RABGAP1L: variants seen among roughly 807,000 people sequenced by gnomAD.
RABGAP1L encodes the protein RAB GTPase activating protein 1 like, also known as rab GTPase-activating protein 1-like.
Under a neutral mutation model 137.7 loss-of-function variants are expected in RABGAP1L, and 63 were observed. That is an observed-to-expected ratio of 0.46 (90% CI 0.37 to 0.56). RABGAP1L has a LOEUF of 0.56. RABGAP1L is among the 20% of genes least tolerant of loss of function. The probability of loss-of-function intolerance (pLI) is 0.00; values close to 1 mark genes in which losing one functional copy is unlikely to be tolerated. For synonymous variants in RABGAP1L, 431 were observed against 433.7 expected, an observed-to-expected ratio of 0.99 and a Z score of 0.08; for missense variants, 1,095 against 1,244.0, an observed-to-expected ratio of 0.88 and a Z score of 1.80.
chr1:174,607,460 T>C lies in RABGAP1L; in HGVS notation c.1711-29915T>C, dbSNP rs545969169. On this transcript the variant is annotated intron_variant, in intron 13 of 25. Coordinates refer to ENST00000681986, the MANE Select transcript of RABGAP1L (RefSeq NM_001366446.1). ...TCTCATCTCCATCTCTCCCTAACTG[T>C]TGGGTTACAGACATTCCTCTGGTGG... is the stretch of plus-strand genomic sequence containing the variant. 9.9e-5 allele frequency among the ~76,000 whole-genome samples: 15 copies of C among 152,228 alleles called. No homozygotes were observed. The South Asian group carries it at 1.7e-3, about 17-fold the overall frequency.
chr1:174,364,246 T>TTTTTTTTTTTTC (rs1684401041), intron 11 of RABGAP1L, among the ~76,000 whole-genome samples: 6 of 76,290 alleles, frequency 7.9e-5, no homozygotes, highest in Admixed American at 6.2e-4. Flanking sequence ...GGATTTCCTT[T>TTTTTTTTTTTTC]TTTTTTTTTT....
chr1:174,853,556 C>T (rs1648744066), intron 19 of RABGAP1L, among the ~76,000 whole-genome samples: 1 of 151,986 alleles, frequency 6.6e-6, no homozygotes, highest in African/African-American at 2.4e-5. Context: ...ACGGTGAAAC[C>T]CTGTCTCTAC....
At chr1:174,958,616 G>A (rs1668822926) in intron 20 of RABGAP1L, among the ~76,000 whole-genome samples, 1 of 152,154 alleles carries the variant, frequency 6.6e-6, no homozygotes, top group South Asian at 2.1e-4. Context: ...TTATCTTTAT[G>A]TGGTCAGAGC....
At chr1:174,707,701 C>T (rs2148542339) in intron 17 of RABGAP1L, among the ~76,000 whole-genome samples, 1 of 152,184 alleles carries the variant, frequency 6.6e-6, no homozygotes, top group African/African-American at 2.4e-5. Context: ...ATAACATTGC[C>T]CTGCAGTCTG....
Position 174,994,247 on chromosome 1 carries a change from G to A in RABGAP1L, c.*4246G>A, listed in dbSNP as rs1168378195. 6.7e-6 allele frequency: 1 copy of A among 149,772 alleles called. No individual in the cohort carries two copies. The highest frequency in any genetic ancestry group is 1.5e-5 in the Non-Finnish European group (1 of 68,048). The allele number at this position is 149,772 out of a possible 1,614,324, so 9.3% of individuals were successfully genotyped here. A position where few individuals can be genotyped will look rare whatever the true frequency, so the allele number is the denominator to read the frequency against. The stretch of plus-strand genomic sequence containing the variant: ...CAACCTTGGCTGCACCTCAATAGGA[G>A]ATGCTGATCTTGAGTTGTAATGAGA... On this transcript the variant is annotated 3_prime_UTR_variant, in exon 26 of 26. Coordinates refer to ENST00000681986, the MANE Select transcript of RABGAP1L (RefSeq NM_001366446.1).
chr1:174,161,079 C>A (rs1455338219), intron 1 of RABGAP1L, among the ~76,000 whole-genome samples: 1 of 152,064 alleles, frequency 6.6e-6, no homozygotes, highest in African/African-American at 2.4e-5. Context: ...TAGCTCTAGA[C>A]TTTGAGTTAG....
intron 7 of RABGAP1L, among the ~76,000 whole-genome samples, chr1:174,267,413 G>A (rs990833483): frequency 6.6e-6 from 1 of 152,158 alleles, no homozygotes; most frequent in African/African-American, 2.4e-5. Flanking sequence ...CTATTCAGTG[G>A]ACTCTAGATA....
At chr1:174,635,384 G>A (rs1173155666) in intron 13 of RABGAP1L, among the ~76,000 whole-genome samples, 1 of 152,144 alleles carries the variant, frequency 6.6e-6, no homozygotes, top group Non-Finnish European at 1.5e-5. Context: ...TAACTTATCG[G>A]AAGAGAGCTC....
chr1:174,468,497 A>G (rs2149301013), intron 13 of RABGAP1L, among the ~76,000 whole-genome samples: 1 of 152,322 alleles, frequency 6.6e-6, no homozygotes, highest in East Asian at 1.9e-4. Flanking sequence ...TTGTAGTATA[A>G]ATTATAGTTA....
intron 1 of RABGAP1L, among the ~76,000 whole-genome samples, chr1:174,170,868 C>G (rs1410867471): frequency 6.6e-6 from 1 of 152,096 alleles, no homozygotes; most frequent in Non-Finnish European, 1.5e-5. Context: ...ACACAGATGT[C>G]TCTGGTGTAT....
chr1:174,223,637 A>G (rs753932947), intron 3 of RABGAP1L, among the ~76,000 whole-genome samples: 2 of 152,186 alleles, frequency 1.3e-5, no homozygotes, highest in African/African-American at 2.4e-5. Context: ...GAGAGATGCC[A>G]TGTTGATTGA....
chr1:174,910,896 A>G (rs1659948836), intron 19 of RABGAP1L, among the ~76,000 whole-genome samples: 1 of 152,198 alleles, frequency 6.6e-6, no homozygotes, highest in African/African-American at 2.4e-5. Context: ...ACAGCAGCTC[A>G]ACCATTTTAC....
chr1:174,659,238 A>AC, intron 14 of RABGAP1L, among the ~76,000 whole-genome samples: 1 of 60,974 alleles, frequency 1.6e-5, no homozygotes, highest in Non-Finnish European at 2.9e-5. Flanking sequence ...TACTTTACCA[A>AC]AAAAAAAAAA....
At chr1:174,614,806 T>A (rs12096634) in intron 13 of RABGAP1L, among the ~76,000 whole-genome samples, 1 of 152,204 alleles carries the variant, frequency 6.6e-6, no homozygotes, top group African/African-American at 2.4e-5. Flanking sequence ...TAAACTTCCC[T>A]TCTTGCTTCA....
At chr1:174,648,303 T>A (rs1248151316) in intron 14 of RABGAP1L, among the ~76,000 whole-genome samples, 8 of 152,144 alleles carry the variant, frequency 5.3e-5, no homozygotes, top group Non-Finnish European at 1.2e-4. Context: ...TGTTAGGGTG[T>A]CAATTATTGA....
At chr1:174,459,264 A>G (rs936008437) in intron 13 of RABGAP1L, among the ~76,000 whole-genome samples, 3 of 152,138 alleles carry the variant, frequency 2.0e-5, no homozygotes, top group African/African-American at 7.2e-5. Flanking sequence ...TGGCAGTACT[A>G]TTGTTTTAAA....
At chr1:174,454,957 C>T (rs1173077268) in intron 13 of RABGAP1L, among the ~76,000 whole-genome samples, 1 of 152,164 alleles carries the variant, frequency 6.6e-6, no homozygotes, top group African/African-American at 2.4e-5. Flanking sequence ...CCAGCTGGTA[C>T]ATTACCTGCA....
chr1:174,178,350 A>G (rs979759091), intron 1 of RABGAP1L, among the ~76,000 whole-genome samples: 4 of 152,162 alleles, frequency 2.6e-5, no homozygotes, highest in Non-Finnish European at 5.9e-5. Flanking sequence ...GTTGCTTATC[A>G]GCTTAAGGAG....
At chr1:174,917,924 C>T (rs1298880279) in intron 19 of RABGAP1L, among the ~76,000 whole-genome samples, 2 of 141,042 alleles carry the variant, frequency 1.4e-5, no homozygotes, top group Non-Finnish European at 3.0e-5. Flanking sequence ...CAGAGTGAGA[C>T]TCTGTCTTAA....
Sources: gnomAD v4.1 joint callset for allele counts (sites outside exome capture counted in the v4.1 genomes callset) on GRCh38, gnomAD v4.1.1 for gene constraint, MANE v1.5 for transcripts, NCBI Gene and HGNC (gene_info 2026-07-23, HGNC 2026-07-21) for gene names.